CAPN13: variants seen among roughly 807,000 people sequenced by gnomAD.
The protein encoded by CAPN13 is calpain-13.
In CAPN13, 90 loss-of-function variants were observed where a neutral mutation model predicts 98.4. That is an observed-to-expected ratio of 0.92 (90% CI 0.77 to 1.09). CAPN13 has a LOEUF of 1.09. Among genes scored for constraint, CAPN13 ranks in the 50% least tolerant of loss-of-function variants. The probability of loss-of-function intolerance (pLI) is 0.00; values close to 1 mark genes in which losing one functional copy is unlikely to be tolerated. For synonymous variants in CAPN13, 330 were observed against 305.5 expected, an observed-to-expected ratio of 1.08 and a Z score of -0.84; for missense variants, 887 against 841.3, an observed-to-expected ratio of 1.05 and a Z score of -0.67.
intron 5 of CAPN13, among the ~76,000 whole-genome samples, chr2:30,765,792 A>T (rs939370344): frequency 7.9e-5 from 12 of 152,232 alleles, no homozygotes; most frequent in African/African-American, 2.9e-4. Context: ...AAAGCCTTTT[A>T]TTAAAGAAAG....
At chr2:30,732,720 T>G (rs986110225) in intron 19 of CAPN13, among the ~76,000 whole-genome samples, 154 bp from the exon 20 acceptor site, 1 of 152,148 alleles carries the variant, frequency 6.6e-6, no homozygotes, top group Non-Finnish European at 1.5e-5. Context: ...TCTTTCCTGT[T>G]GGTTGTTAGG....
At chr2:30,763,056 C>T in intron 7 of CAPN13, 26 bp downstream of exon 7, 2 of 1,585,622 alleles carry the variant, frequency 1.3e-6, no homozygotes, top group Non-Finnish European at 1.7e-6. Context: ...CAGGGGAGAG[C>T]TGGACAGGCC....
intron 10 of CAPN13, 47 bp downstream of exon 10, chr2:30,753,006 G>T: frequency 6.2e-7 from 1 of 1,606,354 alleles, no homozygotes; most frequent in Non-Finnish European, 8.5e-7. Flanking sequence ...CTGGGCTGGG[G>T]CAGCCAGCTT....
At position 30,787,060 on chromosome 2, in the gene CAPN13, C is replaced by G. The variant is rs922509886; in HGVS notation, c.198+68G>C. ...TTGGTTTGGCTCCACCTCCTTTTGG[C>G]TGGAGGTGCCATGGCAGGCGACTCC... On this transcript the variant is annotated intron_variant, in intron 2 of 22. Transcript: ENST00000295055. The G allele has an allele frequency of 3.9e-6, 5 of 1,289,924 alleles. No individual in the cohort carries two copies. The African/African-American group carries it at 6.0e-5, about 15-fold the overall frequency. The allele number at this position is 1,289,924 out of a possible 1,614,324, so 79.9% of individuals were successfully genotyped here.
rs747160084 is a variant in CAPN13 at position 30,732,474 on chromosome 2, G to C, written c.1891C>G (p.Leu631Val). The C allele has an allele frequency of 6.2e-7, 1 of 1,613,610 alleles. No homozygotes were observed. The highest frequency in any genetic ancestry group is 8.5e-7 in the Non-Finnish European group (1 of 1,179,790). ...DSVGRVSFPS[L>V]VCFLMRLEAM... ...TCAAGCCGCATCAGGAAGCAGACCA[G>C]GCTGGGGAAGCTGACCCTGCCGACG... Residue 631 changes from leucine (L) to valine (V), a missense_variant, in exon 20 of 23, where the codon CTG becomes GTG. Leu to Val is a conservative substitution (Grantham distance 32). Transcript: ENST00000295055.
At chr2:30,765,066 C>T (rs765211030) in intron 5 of CAPN13, among the ~76,000 whole-genome samples, 1 of 152,202 alleles carries the variant, frequency 6.6e-6, no homozygotes, top group Non-Finnish European at 1.5e-5. Flanking sequence ...CCCACCTCCA[C>T]CCCGACCCAT....
intron 6 of CAPN13, among the ~76,000 whole-genome samples, chr2:30,763,602 A>T (rs1037728432): frequency 6.6e-6 from 1 of 152,244 alleles, no homozygotes; most frequent in Non-Finnish European, 1.5e-5. Flanking sequence ...TGAAGGAAGC[A>T]TCCCCATGGA....
chr2:30,805,161 C>T (rs1046193677), intron 1 of CAPN13, among the ~76,000 whole-genome samples: 5 of 152,164 alleles, frequency 3.3e-5, no homozygotes, highest in African/African-American at 1.2e-4. Flanking sequence ...GGACAGTTAA[C>T]TCCCCATAGG....
intron 19 of CAPN13, among the ~76,000 whole-genome samples, chr2:30,732,927 C>G (rs987468669): frequency 2.6e-5 from 4 of 152,192 alleles, no homozygotes; most frequent in African/African-American, 9.7e-5. Context: ...CCTTCCTCCC[C>G]ACCCATGACT....
intron 11 of CAPN13, among the ~76,000 whole-genome samples, chr2:30,748,866 T>C (rs1672041459): frequency 6.6e-6 from 1 of 151,992 alleles, no homozygotes; most frequent in South Asian, 2.1e-4. Context: ...TTCCTGAAAT[T>C]GGGAAATGGA....
Position 30,768,538 on chromosome 2 carries a change from A to C in CAPN13, c.524+1775T>G, listed in dbSNP as rs367553770. ...GCTCCAGCCCCTGGGGACCAGCCCC[A>C]TGAGAGTCCCTGCCCCTGGGCCTCT... is the stretch of plus-strand genomic sequence containing the variant. On this transcript the variant is annotated intron_variant, in intron 5 of 22. Coordinates refer to ENST00000295055, the MANE Select transcript of CAPN13 (RefSeq NM_144575.3). Among the ~76,000 whole-genome samples, 5 of 152,300 alleles carry C rather than the reference A, an allele frequency of 3.3e-5. No homozygotes were observed. The East Asian group carries it at 7.7e-4, about 24-fold the overall frequency.
At chr2:30,787,997 G>A (rs768137538) in intron 1 of CAPN13, among the ~76,000 whole-genome samples, 3 of 152,168 alleles carry the variant, frequency 2.0e-5, no homozygotes, top group Non-Finnish European at 4.4e-5. Context: ...CTTGTCCACA[G>A]GAGAGACAGT....
At chr2:30,800,544 C>T (rs545920916) in intron 1 of CAPN13, among the ~76,000 whole-genome samples, 5 of 152,256 alleles carry the variant, frequency 3.3e-5, no homozygotes, top group African/African-American at 4.8e-5. Flanking sequence ...TTGGGCACGT[C>T]GCTCCCTCCC....
intron 15 of CAPN13, chr2:30,741,363 T>C (rs1363116246): frequency 1.0e-6 from 1 of 984,836 alleles, no homozygotes; most frequent in African/African-American, 1.7e-5. Flanking sequence ...CTTTCCACAC[T>C]AACACAATTA....
At chr2:30,745,159 G>T in intron 12 of CAPN13, 2 of 470,966 alleles carry the variant, frequency 4.2e-6, no homozygotes, top group Non-Finnish European at 8.8e-6. Context: ...GGGCAGAGAG[G>T]TGGGTCTGAG....
chr2:30,732,289 C>T (rs890639700), intron 20 of CAPN13, 149 bp downstream of exon 20: 5 of 885,062 alleles, frequency 5.6e-6, no homozygotes, highest in South Asian at 1.7e-5. Flanking sequence ...ACACCATCTA[C>T]AGCCTCGGTT....
intron 17 of CAPN13, among the ~76,000 whole-genome samples, chr2:30,736,966 G>A (rs938871324): frequency 1.3e-5 from 2 of 152,234 alleles, no homozygotes; most frequent in African/African-American, 2.4e-5. Context: ...GTGCACAAGT[G>A]TAGAGGGAAT....
chr2:30,802,016 G>A (rs925441601), intron 1 of CAPN13, among the ~76,000 whole-genome samples: 4 of 152,174 alleles, frequency 2.6e-5, no homozygotes, highest in South Asian at 4.1e-4. Flanking sequence ...ACAACACAGC[G>A]GAGAAAGGAC....
At chr2:30,730,878 C>T (rs2147943035) in intron 21 of CAPN13, 92 bp from the exon 22 acceptor site, 1 of 765,990 alleles carries the variant, frequency 1.3e-6, no homozygotes, top group Non-Finnish European at 2.4e-6. Flanking sequence ...CTCGGAAGAC[C>T]TCAGTCCAGT....
Sources: allele counts gnomAD v4.1 joint callset (sites outside exome capture counted in the v4.1 genomes callset), GRCh38; gene constraint gnomAD v4.1.1; transcripts MANE v1.5; gene names NCBI Gene and HGNC (gene_info 2026-07-23, HGNC 2026-07-21).